The following PHEX variants were observed in gnomAD, a reference collection of about 807,000 sequenced individuals.
PHEX encodes phosphate regulating endopeptidase X-linked.
Under a neutral mutation model 68.0 loss-of-function variants are expected in PHEX, and 16 were observed. That is an observed-to-expected ratio of 0.24 (90% CI 0.16 to 0.36). The LOEUF (loss-of-function observed/expected upper bound fraction) is 0.36. Among genes scored for constraint, PHEX ranks in the 10% least tolerant of loss-of-function variants. PHEX has a pLI of 1.00. For synonymous variants in PHEX, 208 were observed against 205.1 expected, an observed-to-expected ratio of 1.01 and a Z score of -0.12; for missense variants, 480 against 575.5, an observed-to-expected ratio of 0.83 and a Z score of 1.70.
intron 15 of PHEX, among the ~76,000 whole-genome samples, chrX:22,205,643 TAATA>T (rs1444844582): frequency 1.2e-5 from 1 of 86,234 alleles, no homozygotes; most frequent in African/African-American, 5.5e-5. Context: ...TATTAAAAAT[TAATA>T]TTAAATTATT....
At position 22,090,504 on chromosome X, in the gene PHEX, T is replaced by C. The variant is rs776273230; in HGVS notation, c.732+7T>C. ...CAGTACAGAAGCCAAGTCTGTAAGT[T>C]TTACTCATATTCAACTATGTGCCTT... On this transcript the variant is annotated splice_region_variant and intron_variant, in intron 6 of 21. Transcript: ENST00000379374. 1 of 1,152,836 alleles carries C rather than the reference T, an allele frequency of 8.7e-7. No individual in the cohort carries two copies. The highest frequency in any genetic ancestry group is 2.2e-5 in the Admixed American group (1 of 45,773).
intron 3 of PHEX, among the ~76,000 whole-genome samples, chrX:22,066,959 C>T (rs1928631188): frequency 9.0e-6 from 1 of 111,039 alleles, no homozygotes. Context: ...AAAATAGATA[C>T]CCGGCTGGGC....
intron 3 of PHEX, among the ~76,000 whole-genome samples, chrX:22,071,170 A>G (rs902257646): frequency 3.6e-5 from 4 of 111,360 alleles, no homozygotes. Context: ...GAGCAGAACT[A>G]AGTATTTTTT....
At chrX:22,123,669 A>G (rs1045161713) in intron 11 of PHEX, among the ~76,000 whole-genome samples, 1 of 110,403 alleles carries the variant, frequency 9.1e-6, no homozygotes, top group Non-Finnish European at 1.9e-5. Context: ...TCCTCCATAC[A>G]TGCCTAGTAT....
At chrX:22,124,481 C>G (rs1016169590) in intron 11 of PHEX, among the ~76,000 whole-genome samples, 4 of 111,581 alleles carry the variant, frequency 3.6e-5, no homozygotes, top group African/African-American at 1.3e-4. Context: ...ATGTGAAGAC[C>G]CTTTATTAGA....
At chrX:22,104,916 C>A (rs1204610110) in intron 9 of PHEX, among the ~76,000 whole-genome samples, 1 of 112,294 alleles carries the variant, frequency 8.9e-6, no homozygotes, top group Non-Finnish European at 1.9e-5. Flanking sequence ...CTAGAGCAAA[C>A]CCTTGGAGTT....
chrX:22,173,155 G>A (rs971732224), intron 13 of PHEX, among the ~76,000 whole-genome samples: 1 of 112,010 alleles, frequency 8.9e-6, no homozygotes, highest in Admixed American at 9.4e-5. Context: ...TTTACTATTT[G>A]TTAAAAAACA....
At chrX:22,204,242 C>G (rs746502675) in intron 15 of PHEX, among the ~76,000 whole-genome samples, 1 of 111,255 alleles carries the variant, frequency 9.0e-6, no homozygotes, top group Non-Finnish European at 1.9e-5. Flanking sequence ...TGCTGGTTTG[C>G]AGACCAAGAT....
rs183594086 is a variant in PHEX at position 22,155,192 on chromosome X, G to A, written c.1405-13120G>A. On this transcript the variant is annotated intron_variant, in intron 12 of 21. Transcript: ENST00000379374. The stretch of plus-strand genomic sequence containing the variant: ...CTCCCAAAGTGCTGGGATTACAGGC[G>A]TGAGCCATCGTGCCCAGCCCACACT... Among the ~76,000 whole-genome samples, 186 of 112,905 alleles carry A rather than the reference G, an allele frequency of 1.6e-3. 1 individual carries two copies. The highest frequency in any genetic ancestry group is 2.9e-3 in the Non-Finnish European group (154 of 53,387).
chrX:22,101,488 T>C (rs1047293154), intron 9 of PHEX, among the ~76,000 whole-genome samples: 8 of 111,978 alleles, frequency 7.1e-5, no homozygotes, highest in African/African-American at 2.6e-4. Context: ...TAAACACTCA[T>C]TGGCTAAATT....
chrX:22,239,646 T>G (rs1053417559), intron 20 of PHEX, among the ~76,000 whole-genome samples: 1 of 110,222 alleles, frequency 9.1e-6, no homozygotes, highest in Non-Finnish European at 1.9e-5. Context: ...TATCAGAGAT[T>G]GAAGATCAAC....
chrX:22,244,220 G>C (rs1239255340), intron 20 of PHEX, among the ~76,000 whole-genome samples: 1 of 110,962 alleles, frequency 9.0e-6, no homozygotes, highest in Non-Finnish European at 1.9e-5. Context: ...ACTCATAAAT[G>C]GGAGTTGAAC....
At chrX:22,113,041 G>T (rs941374317) in intron 10 of PHEX, among the ~76,000 whole-genome samples, 1 of 105,683 alleles carries the variant, frequency 9.5e-6, no homozygotes, top group African/African-American at 3.7e-5. Context: ...GTGTGTGTGT[G>T]TGTGTGTGTG....
At chrX:22,181,424 G>T (rs980093428) in intron 14 of PHEX, among the ~76,000 whole-genome samples, 1 of 111,615 alleles carries the variant, frequency 9.0e-6, no homozygotes, top group Non-Finnish European at 1.9e-5. Flanking sequence ...TGTCTATTCA[G>T]ATCTTTGTGT....
At chrX:22,068,894 G>T (rs1316290430) in intron 3 of PHEX, among the ~76,000 whole-genome samples, 5 of 112,091 alleles carry the variant, frequency 4.5e-5, no homozygotes, top group Non-Finnish European at 9.4e-5. Flanking sequence ...ACTTTGGGAG[G>T]CCGAGGCAGG....
intron 3 of PHEX, among the ~76,000 whole-genome samples, chrX:22,049,813 A>T (rs1397463761): frequency 2.7e-5 from 3 of 111,274 alleles, no homozygotes; most frequent in Non-Finnish European, 5.7e-5. Context: ...CAGTGAGCCA[A>T]GATCATGCCA....
intron 15 of PHEX, among the ~76,000 whole-genome samples, chrX:22,199,940 A>G (rs1260650067): frequency 8.9e-6 from 1 of 111,778 alleles, no homozygotes; most frequent in Middle Eastern, 4.2e-3. Context: ...GTCTTGGAAC[A>G]TATCTCCCAA....
intron 15 of PHEX, among the ~76,000 whole-genome samples, chrX:22,192,773 G>C (rs1934242929): frequency 8.9e-6 from 1 of 111,942 alleles, no homozygotes; most frequent in African/African-American, 3.2e-5. Flanking sequence ...CAGTTGGCCA[G>C]TCTGCCGTGG....
chrX:22,184,224 T>C (rs777712372), intron 14 of PHEX, among the ~76,000 whole-genome samples: 2 of 110,351 alleles, frequency 1.8e-5, no homozygotes, highest in East Asian at 5.6e-4. Context: ...GGGATATGAG[T>C]AAATTCCTTT....
Sources: allele counts gnomAD v4.1 joint callset (sites outside exome capture counted in the v4.1 genomes callset), GRCh38; gene constraint gnomAD v4.1.1; transcripts MANE v1.5; gene names NCBI Gene and HGNC (gene_info 2026-07-23, HGNC 2026-07-21).